Variants in PBX3 observed in about 807,000 individuals in gnomAD.
PBX3 encodes the protein PBX homeobox 3.
A neutral mutation model predicts 48.5 loss-of-function variants in PBX3; 14 were observed. That is an observed-to-expected ratio of 0.29 (90% CI 0.19 to 0.45). The LOEUF is 0.45. PBX3 is among the 20% of genes least tolerant of loss of function. The pLI is 1.00. For synonymous variants in PBX3, 210 were observed against 200.3 expected, an observed-to-expected ratio of 1.05 and a Z score of -0.41; for missense variants, 386 against 546.7, an observed-to-expected ratio of 0.71 and a Z score of 2.93.
At chr9:125,913,139 G>A (rs182372213) in intron 2 of PBX3, among the ~76,000 whole-genome samples, 7 of 151,934 alleles carry the variant, frequency 4.6e-5, no homozygotes, top group African/African-American at 1.7e-4. Context: ...CTTTATTATT[G>A]ATAGTCTTCT....
At chr9:125,779,663 C>T (rs1243160348) in intron 2 of PBX3, among the ~76,000 whole-genome samples, 3 of 134,992 alleles carry the variant, frequency 2.2e-5, no homozygotes, top group African/African-American at 9.1e-5. Flanking sequence ...CTACTTCTTT[C>T]TACACAGACA....
At chr9:125,791,350 TGTCA>T (rs1338664485) in intron 2 of PBX3, among the ~76,000 whole-genome samples, 24 of 151,106 alleles carry the variant, frequency 1.6e-4, no homozygotes, top group African/African-American at 5.7e-4. Flanking sequence ...TATCTATCTC[TGTCA>T]ATCATCTGTC....
chr9:125,773,270 G>A (rs933202484), intron 2 of PBX3, among the ~76,000 whole-genome samples: 1 of 152,098 alleles, frequency 6.6e-6, no homozygotes, highest in Non-Finnish European at 1.5e-5. Context: ...GGAAGGATTA[G>A]GCGATTGGTT....
Position 125,866,724 on chromosome 9 carries a change from A to G in PBX3, c.275-48962A>G, listed in dbSNP as rs1048478807. Among the ~76,000 whole-genome samples, 34 of 152,182 alleles carry G rather than the reference A, an allele frequency of 2.2e-4. 1 individual carries two copies. Among genetic ancestry groups the G allele is most frequent in the Non-Finnish European group, 1.5e-5 (1 of 68,022 alleles). On this transcript the variant is annotated intron_variant, in intron 2 of 8. Transcript: ENST00000373489. ...CCTTTGTTCTAAAATGGCAGATGTT[A>G]TTTGTAACTTTGTTTTAAAATAGCA...
intron 2 of PBX3, among the ~76,000 whole-genome samples, chr9:125,777,091 A>T (rs983894606): frequency 1.3e-5 from 2 of 150,856 alleles, no homozygotes; most frequent in Admixed American, 6.6e-5. Flanking sequence ...TGCAACCTGC[A>T]ACCTCTGCCT....
intron 2 of PBX3, among the ~76,000 whole-genome samples, chr9:125,779,586 A>C (rs113962766): frequency 0.4 from 21,779 of 54,450 alleles, 5,169 homozygotes; most frequent in Middle Eastern, 0.56. Flanking sequence ...GTAAGGTCAC[A>C]GATCAACAGG....
chr9:125,844,497 A>G (rs921935880), intron 2 of PBX3: 1 of 152,118 alleles, frequency 6.6e-6, no homozygotes, highest in Non-Finnish European at 1.5e-5. Context: ...GTATGCTTAA[A>G]TATTACAGGT....
At chr9:125,817,324 A>G (rs1198016175) in intron 2 of PBX3, among the ~76,000 whole-genome samples, 2 of 152,256 alleles carry the variant, frequency 1.3e-5, no homozygotes, top group Non-Finnish European at 2.9e-5. Flanking sequence ...GATCTTCTTC[A>G]AGAGTATTTG....
At chr9:125,842,078 G>A (rs893467963) in intron 2 of PBX3, among the ~76,000 whole-genome samples, 1 of 152,096 alleles carries the variant, frequency 6.6e-6, no homozygotes, top group Non-Finnish European at 1.5e-5. Flanking sequence ...ATTTATATCT[G>A]TGTATTTTGA....
At chr9:125,920,406 G>T (rs976377548) in intron 3 of PBX3, among the ~76,000 whole-genome samples, 1 of 152,118 alleles carries the variant, frequency 6.6e-6, no homozygotes, top group Admixed American at 6.5e-5. Context: ...AGAAGTAAAG[G>T]CCTCCTATTG....
intron 3 of PBX3, among the ~76,000 whole-genome samples, chr9:125,928,622 C>T (rs1011593239): frequency 6.6e-5 from 10 of 151,944 alleles, no homozygotes; most frequent in South Asian, 2.1e-4. Context: ...CCCGCCACCA[C>T]GGTGGGCTAA....
At chr9:125,871,265 T>C (rs9299305) in intron 2 of PBX3, among the ~76,000 whole-genome samples, 117,330 of 151,842 alleles carry the variant, frequency 0.77, 45,769 homozygotes, top group African/African-American at 0.86. Context: ...GGTGTGGTGG[T>C]GGGTGCTTGT....
chr9:125,814,872 G>C (rs1326091243), intron 2 of PBX3, among the ~76,000 whole-genome samples: 1 of 152,156 alleles, frequency 6.6e-6, no homozygotes, highest in Non-Finnish European at 1.5e-5. Context: ...CACCATTCAA[G>C]CCGATTAACA....
chr9:125,823,537 T>G (rs1007333590), intron 2 of PBX3, among the ~76,000 whole-genome samples: 2 of 151,810 alleles, frequency 1.3e-5, no homozygotes, highest in Non-Finnish European at 2.9e-5. Context: ...AAATTACTTT[T>G]TTTTTTGGTA....
intron 4 of PBX3, among the ~76,000 whole-genome samples, chr9:125,930,441 T>G (rs550295939): frequency 2.2e-4 from 34 of 152,340 alleles, no homozygotes; most frequent in African/African-American, 8.2e-4. Flanking sequence ...AGTGACCTAC[T>G]GAGTGACAGA....
At chr9:125,812,666 C>T (rs1237487043) in intron 2 of PBX3, among the ~76,000 whole-genome samples, 1 of 152,194 alleles carries the variant, frequency 6.6e-6, no homozygotes, top group Non-Finnish European at 1.5e-5. Flanking sequence ...TTTTGAGAAA[C>T]TCATCATCAG....
intron 2 of PBX3, among the ~76,000 whole-genome samples, chr9:125,780,821 C>G (rs112725644): frequency 7.7e-6 from 1 of 130,524 alleles, no homozygotes; most frequent in South Asian, 2.6e-4. Flanking sequence ...CGGGCGGAGA[C>G]GCTCCTCACT....
chr9:125,791,663 C>T (rs538669130), intron 2 of PBX3, among the ~76,000 whole-genome samples: 11 of 151,876 alleles, frequency 7.2e-5, no homozygotes, highest in Admixed American at 3.3e-4. Flanking sequence ...AGGCCGGGCG[C>T]GGTGGCTCAC....
At chr9:125,774,738 G>C (rs1051988961) in intron 2 of PBX3, among the ~76,000 whole-genome samples, 33 of 151,838 alleles carry the variant, frequency 2.2e-4, no homozygotes, top group African/African-American at 7.5e-4. Flanking sequence ...TTGATTACCT[G>C]TTTTCAATTC....
Sources: allele counts gnomAD v4.1 joint callset (sites outside exome capture counted in the v4.1 genomes callset), GRCh38; gene constraint gnomAD v4.1.1; transcripts MANE v1.5; gene names NCBI Gene and HGNC (gene_info 2026-07-23, HGNC 2026-07-21).